TYW1: variants seen among roughly 807,000 people sequenced by gnomAD.
TYW1 encodes tRNA-yW synthesizing protein 1 homolog.
A neutral mutation model predicts 96.2 loss-of-function variants in TYW1; 46 were observed. The ratio of observed to expected loss-of-function variants is 0.48; its 90% CI spans 0.38 to 0.61. TYW1 has a LOEUF of 0.61. TYW1 is among the 20% of genes least tolerant of loss of function. The probability of loss-of-function intolerance (pLI) is 0.00; values close to 1 mark genes in which losing one functional copy is unlikely to be tolerated. For missense variants in TYW1, 684 were observed against 909.6 expected (o/e 0.75, Z 3.19); for synonymous variants, 274 against 323.0 (o/e 0.85, Z 1.63).
intron 15 of TYW1, among the ~76,000 whole-genome samples, chr7:67,205,294 G>T (rs1349403535): frequency 6.6e-6 from 1 of 151,994 alleles, no homozygotes; most frequent in Non-Finnish European, 1.5e-5. Flanking sequence ...TCTGGCTCCC[G>T]TCAGCCTCCT....
chr7:67,172,897 A>T (rs987401767), intron 13 of TYW1, among the ~76,000 whole-genome samples: 1 of 151,920 alleles, frequency 6.6e-6, no homozygotes, highest in Non-Finnish European at 1.5e-5. Flanking sequence ...AGGTAGGAGG[A>T]TCACTTGAGT....
chr7:67,012,201 A>G (rs1793829001), intron 4 of TYW1, among the ~76,000 whole-genome samples: 1 of 151,644 alleles, frequency 6.6e-6, no homozygotes, highest in Non-Finnish European at 1.5e-5. Flanking sequence ...AAAATAGAAA[A>G]ATTAGCCATG....
intron 12 of TYW1, among the ~76,000 whole-genome samples, chr7:67,112,358 G>A (rs1797446315): frequency 6.6e-6 from 1 of 152,052 alleles, no homozygotes; most frequent in Admixed American, 6.6e-5. Context: ...GCTCATGCCT[G>A]TAATCCCAGT....
intron 10 of TYW1, among the ~76,000 whole-genome samples, chr7:67,068,080 G>A (rs1338874944): frequency 1.3e-5 from 2 of 149,770 alleles, no homozygotes; most frequent in East Asian, 3.9e-4. Context: ...GGAGGGCAAT[G>A]GCGTCATCTT....
At chr7:67,102,941 G>T (rs946979516) in intron 12 of TYW1, among the ~76,000 whole-genome samples, 4 of 152,200 alleles carry the variant, frequency 2.6e-5, no homozygotes, top group Non-Finnish European at 5.9e-5. Flanking sequence ...GAGCCATCAC[G>T]CCCGGTCACG....
At chr7:67,166,542 CCT>C (rs200944862) in intron 13 of TYW1, among the ~76,000 whole-genome samples, 40,830 of 149,704 alleles carry the variant, frequency 0.27, 6,129 homozygotes, top group African/African-American at 0.39. Flanking sequence ...CAGCCCCTCC[CCT>C]CTCTAAAAAT....
intron 6 of TYW1, among the ~76,000 whole-genome samples, chr7:67,024,641 C>T (rs1251177568): frequency 3.3e-5 from 5 of 151,814 alleles, no homozygotes; most frequent in Admixed American, 1.3e-4. Context: ...ATTAGCCAGG[C>T]GTGGTGGTAG....
intron 15 of TYW1, among the ~76,000 whole-genome samples, chr7:67,233,635 G>A (rs1801803139): frequency 7.3e-6 from 1 of 136,094 alleles, no homozygotes; most frequent in African/African-American, 2.9e-5. Flanking sequence ...CGTGTCTCAG[G>A]ATACTTAACT....
At chr7:67,010,507 G>A (rs746415206) in intron 4 of TYW1, among the ~76,000 whole-genome samples, 116 of 145,940 alleles carry the variant, frequency 7.9e-4, no homozygotes, top group Non-Finnish European at 1.4e-3. Flanking sequence ...ATGGAGTCTC[G>A]CTCTGTCACC....
intron 13 of TYW1, among the ~76,000 whole-genome samples, chr7:67,147,223 G>A (rs192578541): frequency 1.2e-3 from 189 of 152,190 alleles, no homozygotes; most frequent in African/African-American, 4.3e-3. Flanking sequence ...ACTACCTAGC[G>A]TTTACATTGT....
chr7:67,142,977 C>T (rs759708838), intron 13 of TYW1, among the ~76,000 whole-genome samples: 2 of 150,506 alleles, frequency 1.3e-5, no homozygotes, highest in East Asian at 2.0e-4. Context: ...CTCTTGAACC[C>T]GGGGGGCGGA....
At chr7:67,024,063 C>T (rs1408790707) in intron 6 of TYW1, among the ~76,000 whole-genome samples, 1 of 152,034 alleles carries the variant, frequency 6.6e-6, no homozygotes, top group African/African-American at 2.4e-5. Flanking sequence ...GTATGTGTCT[C>T]GTTCCCCTGA....
intron 13 of TYW1, among the ~76,000 whole-genome samples, chr7:67,158,860 T>A (rs1799069717): frequency 6.6e-6 from 1 of 152,218 alleles, no homozygotes; most frequent in Non-Finnish European, 1.5e-5. Flanking sequence ...CGTGAGCCAC[T>A]GCACCCGCCC....
At chr7:67,223,073 T>C (rs1168267643) in intron 15 of TYW1, among the ~76,000 whole-genome samples, 1 of 152,198 alleles carries the variant, frequency 6.6e-6, no homozygotes, top group Admixed American at 6.5e-5. Context: ...TTTGTTCATA[T>C]GTCCTTTTCT....
In TYW1 at chr7:67,192,580, A is replaced by T. The variant is rs56276563; in HGVS notation, c.1810-2590A>T. Among the ~76,000 whole-genome samples the T allele has an allele frequency of 5.1e-3, 772 of 152,180 alleles. 5 individuals carry two copies. Among genetic ancestry groups the T allele is most frequent in the African/African-American group, 0.018 (740 of 41,512 alleles). Reference sequence around the variant, plus strand: ...TATGACTAATGCTTATCAATAAATAATTTTCATGTTTTTTATGCACTTGGT... The same window carrying T: ...TATGACTAATGCTTATCAATAAATATTTTTCATGTTTTTTATGCACTTGGT... On this transcript the variant is annotated intron_variant, in intron 14 of 15. Coordinates refer to ENST00000359626, the MANE Select transcript of TYW1 (RefSeq NM_018264.4).
chr7:67,041,444 C>T (rs1256646824), intron 7 of TYW1, among the ~76,000 whole-genome samples: 1 of 152,068 alleles, frequency 6.6e-6, no homozygotes. Flanking sequence ...GGGATTATAG[C>T]ACCCGCCACC....
chr7:67,112,461 C>T (rs975291239), intron 12 of TYW1, among the ~76,000 whole-genome samples: 1 of 151,738 alleles, frequency 6.6e-6, no homozygotes, highest in African/African-American at 2.4e-5. Flanking sequence ...ACTAAAAATA[C>T]AAAAATTAGG....
intron 13 of TYW1, among the ~76,000 whole-genome samples, chr7:67,176,577 A>T (rs1262731542): frequency 3.3e-5 from 5 of 152,288 alleles, no homozygotes; most frequent in South Asian, 2.1e-4. Flanking sequence ...AAAATACATT[A>T]AAAAAAATTT....
chr7:67,158,082 A>G (rs1345884943), intron 13 of TYW1, among the ~76,000 whole-genome samples: 2 of 102,168 alleles, frequency 2.0e-5, no homozygotes, highest in Non-Finnish European at 3.8e-5. Context: ...TTTGCTGAGG[A>G]TTTTTTTTTT....
Sources: gnomAD v4.1 joint callset for allele counts (sites outside exome capture counted in the v4.1 genomes callset) on GRCh38, gnomAD v4.1.1 for gene constraint, MANE v1.5 for transcripts, NCBI Gene and HGNC (gene_info 2026-07-23, HGNC 2026-07-21) for gene names.